Variants in ANKRD28 observed in about 807,000 individuals in gnomAD.
ANKRD28 encodes the protein ankyrin repeat domain 28.
ANKRD28 carries 44 observed loss-of-function variants against 126.5 expected under a neutral mutation model. The ratio of observed to expected loss-of-function variants is 0.35; its 90% CI spans 0.27 to 0.45. The LOEUF (loss-of-function observed/expected upper bound fraction) is 0.45. Among genes scored for constraint, ANKRD28 ranks in the 20% least tolerant of loss-of-function variants. The pLI, the probability that ANKRD28 is intolerant of heterozygous loss-of-function variation, is 1.00. For synonymous variants in ANKRD28, 442 were observed against 468.5 expected (o/e 0.94, Z 0.73); for missense variants, 1,110 against 1,316.6 (o/e 0.84, Z 2.43).
chr3:15,674,259 G>C (rs1312795253), intron 27 of ANKRD28, among the ~76,000 whole-genome samples: 1 of 150,244 alleles, frequency 6.7e-6, no homozygotes, highest in Non-Finnish European at 1.5e-5. Context: ...ATCCAGGTCA[G>C]TCTGGTAGCA....
At chr3:15,795,341 C>A in intron 1 of ANKRD28, 35 bp from the exon 2 acceptor site, 1 of 1,401,956 alleles carries the variant, frequency 7.1e-7, no homozygotes, top group South Asian at 1.2e-5. Flanking sequence ...ACATTAGAAT[C>A]ATCCATGTGG....
chr3:15,674,834 T>C (rs921937137), intron 27 of ANKRD28, among the ~76,000 whole-genome samples: 3 of 152,212 alleles, frequency 2.0e-5, no homozygotes, highest in African/African-American at 7.2e-5. Flanking sequence ...CGATCAGTTG[T>C]GCCAAAAGCT....
intron 1 of ANKRD28, among the ~76,000 whole-genome samples, chr3:15,857,752 T>C (rs750149714): frequency 2.0e-5 from 3 of 152,264 alleles, no homozygotes; most frequent in East Asian, 1.9e-4. Context: ...TAAAACCTAA[T>C]GGTGAATCAA....
At chr3:15,823,279 C>G (rs1185916272) in intron 1 of ANKRD28, among the ~76,000 whole-genome samples, 1 of 152,226 alleles carries the variant, frequency 6.6e-6, no homozygotes, top group Non-Finnish European at 1.5e-5. Flanking sequence ...GGAGGCAGAG[C>G]TCAGGCAGTA....
At chr3:15,682,941 A>G (rs1469522903) in intron 21 of ANKRD28, among the ~76,000 whole-genome samples, 1 of 152,214 alleles carries the variant, frequency 6.6e-6, no homozygotes, top group Non-Finnish European at 1.5e-5. Flanking sequence ...TGATCTTTAA[A>G]TGGCAACCAG....
chr3:15,680,071 A>G (rs1415301638), intron 21 of ANKRD28, among the ~76,000 whole-genome samples: 3 of 152,158 alleles, frequency 2.0e-5, no homozygotes, highest in Non-Finnish European at 1.5e-5. Flanking sequence ...CTGGAAACCA[A>G]TCCTCAACAG....
At chr3:15,789,436 TTAAAA>T (rs1014132326) in intron 2 of ANKRD28, among the ~76,000 whole-genome samples, 2 of 150,632 alleles carry the variant, frequency 1.3e-5, no homozygotes, top group African/African-American at 5.0e-5. Context: ...TCTCCTTTTT[TTAAAA>T]AAAAAAGAAA....
intron 2 of ANKRD28, among the ~76,000 whole-genome samples, chr3:15,777,533 C>CTACA (rs1273884425): frequency 6.6e-6 from 1 of 152,050 alleles, no homozygotes; most frequent in Non-Finnish European, 1.5e-5. Context: ...AAACCTTGAC[C>CTACA]TACAGTATTT....
chr3:15,677,652 C>CA, intron 24 of ANKRD28, 90 bp from the exon 25 acceptor site: 1 of 899,480 alleles, frequency 1.1e-6, no homozygotes, highest in Non-Finnish European at 1.7e-6. Context: ...AGATACAAAG[C>CA]AAAAAAGTCC....
rs1379176396 is a variant in ANKRD28 at position 15,686,116 on chromosome 3, C to T, written c.2055G>A (p.Thr685=). 2 of 1,612,358 alleles carry T rather than the reference C, an allele frequency of 1.2e-6. No homozygotes were observed. The highest frequency in any genetic ancestry group is 1.1e-5 in the South Asian group (1 of 90,708). ...AVDIQDGNGQ[T]PLMLSVLNGH... ...CGTTGAGAACAGATAGCATCAGAGG[C>T]GTCCTGAGCAACAACAGGAATAGGT... is the stretch of plus-strand genomic sequence containing the variant. Residue 685 remains threonine (T), a synonymous_variant, in exon 20 of 28, where the codon ACG becomes ACA. Coordinates refer to ENST00000683139, the MANE Select transcript of ANKRD28 (RefSeq NM_001349278.2).
At chr3:15,685,951 A>T in intron 20 of ANKRD28, 51 bp downstream of exon 20, 1 of 1,368,318 alleles carries the variant, frequency 7.3e-7, no homozygotes, top group Non-Finnish European at 1.0e-6. Flanking sequence ...AGTTCTAGGT[A>T]ATATGAGGTC....
At chr3:15,733,760 G>T (rs1046403825) in intron 6 of ANKRD28, among the ~76,000 whole-genome samples, 5 of 151,936 alleles carry the variant, frequency 3.3e-5, no homozygotes, top group African/African-American at 1.2e-4. Context: ...CTTCAATTTA[G>T]TATACCTATG....
chr3:15,769,243 C>T (rs774518341), intron 2 of ANKRD28, among the ~76,000 whole-genome samples: 3 of 152,148 alleles, frequency 2.0e-5, no homozygotes, highest in African/African-American at 7.2e-5. Context: ...CATATGAACA[C>T]AGTTTTTCCT....
Position 15,817,507 on chromosome 3 carries a change from T to C in ANKRD28, c.28-22201A>G, listed in dbSNP as rs977450733. On this transcript the variant is annotated intron_variant, in intron 1 of 27. Coordinates refer to the ANKRD28 transcript ENST00000399451. This position sits in a 1 kb window ranked among gnomAD's most constrained non-coding sequence, Gnocchi z 4.5. Reference sequence around the variant, plus strand: ...TAAGTGCTCTCCTAAAAGTTTGTTGTGTGTATCTGTGACAGAGGGAGACAG... The same window carrying C: ...TAAGTGCTCTCCTAAAAGTTTGTTGCGTGTATCTGTGACAGAGGGAGACAG... Among the ~76,000 whole-genome samples, 3 of 152,140 alleles carry C rather than the reference T, an allele frequency of 2.0e-5. No homozygotes were observed. The highest frequency in any genetic ancestry group is 7.2e-5 in the African/African-American group (3 of 41,428).
chr3:15,696,202 G>T lies in ANKRD28; in HGVS notation c.1591C>A (p.Arg531Ser). 6.3e-7 allele frequency: 1 copy of T among 1,591,744 alleles called. No homozygotes were observed. Among genetic ancestry groups the T allele is most frequent in the African/African-American group, 1.3e-5 (1 of 74,716 alleles). The change falls in exon 15 of 28, where the codon CGT becomes AGT. Residue 531 changes from arginine to serine, a missense_variant. Transcript: ENST00000683139. ...LLRNDANPGI[R>S]DKQGYNAVHY... ...ACTGCGTTGTATCCTTGCTTATCAC[G>T]GATCCCTGGATTTGCATCGTTTCTT... is the stretch of plus-strand genomic sequence containing the variant.
intron 14 of ANKRD28, among the ~76,000 whole-genome samples, chr3:15,701,320 C>A (rs995604097): frequency 2.6e-5 from 4 of 152,120 alleles, no homozygotes; most frequent in Non-Finnish European, 4.4e-5. Flanking sequence ...TTATGTACAG[C>A]TAAAATTCTT....
chr3:15,822,682 T>TA (rs370806538), intron 1 of ANKRD28, among the ~76,000 whole-genome samples: 6,251 of 144,852 alleles, frequency 0.043, 184 homozygotes, highest in Non-Finnish European at 0.058. Flanking sequence ...CTCACAGAAC[T>TA]AAAAAAAAAA....
At chr3:15,776,256 C>T (rs1575634643) in intron 2 of ANKRD28, among the ~76,000 whole-genome samples, 1 of 152,236 alleles carries the variant, frequency 6.6e-6, no homozygotes, top group Admixed American at 6.5e-5. Flanking sequence ...TCAAGTAAAG[C>T]TGAATATATG....
At chr3:15,754,695 C>A (rs1446959219) in intron 3 of ANKRD28, among the ~76,000 whole-genome samples, 1 of 152,028 alleles carries the variant, frequency 6.6e-6, no homozygotes, top group Non-Finnish European at 1.5e-5. Flanking sequence ...TAAAGAAACC[C>A]TACAGGAATG....
Sources: gnomAD v4.1 joint callset for allele counts (sites outside exome capture counted in the v4.1 genomes callset) on GRCh38, gnomAD v4.1.1 for gene constraint, Gnocchi (gnomAD v3.1) non-coding constraint, MANE v1.5 for transcripts, NCBI Gene and HGNC (gene_info 2026-07-23, HGNC 2026-07-21) for gene names.